Variants in RANBP2 observed in about 807,000 individuals in gnomAD.
RANBP2 encodes E3 SUMO-protein ligase RanBP2.
Under a neutral mutation model 303.6 loss-of-function variants are expected in RANBP2, and 57 were observed. The ratio of observed to expected loss-of-function variants is 0.19; its 90% CI spans 0.15 to 0.23. RANBP2 has a LOEUF of 0.23. Ranked by LOEUF, RANBP2 falls within the 10% of genes least tolerant of loss-of-function variation. The pLI, the probability that RANBP2 is intolerant of heterozygous loss-of-function variation, is 1.00. For synonymous variants in RANBP2, 1,167 were observed against 1,301.5 expected (o/e 0.90, Z 2.23); for missense variants, 3,138 against 3,780.8 (o/e 0.83, Z 4.46).
chr2:109,330,872 A>G, the RANBP2 span, among the ~76,000 whole-genome samples: 25 of 152,194 alleles, frequency 1.6e-4, no homozygotes, highest in Non-Finnish European at 2.8e-4. Context: ...TAAGGGACCA[A>G]TTCCTCTGGT....
chr2:109,109,585 T>A, the RANBP2 span, among the ~76,000 whole-genome samples: 3 of 152,244 alleles, frequency 2.0e-5, no homozygotes, highest in African/African-American at 7.2e-5. Flanking sequence ...TTAAATTGCT[T>A]CCTTCAAATG....
At chr2:109,637,940 A>G in the RANBP2 span, among the ~76,000 whole-genome samples, 1 of 152,180 alleles carries the variant, frequency 6.6e-6, no homozygotes, top group African/African-American at 2.4e-5. Flanking sequence ...TCTGGGTGAC[A>G]GAACAAGACT....
chr2:108,753,712 G>T lies in RANBP2; in HGVS notation c.2056-113G>T. 2.5e-6 allele frequency: 4 copies of T among 1,584,478 alleles called. No individual in the cohort carries two copies. In the South Asian group the frequency reaches 3.4e-5, roughly 14 times the overall value. On this transcript the variant is annotated intron_variant, in intron 14 of 28. Transcript: ENST00000283195. ...TGCTTCCCAGGCTCAAGCGATTCTT[G>T]TGCCTCAGCTCCCGAGTAGCTGGGA...
chr2:108,917,967 C>G, the RANBP2 span, among the ~76,000 whole-genome samples: 1 of 152,048 alleles, frequency 6.6e-6, no homozygotes, highest in Non-Finnish European at 1.5e-5. Context: ...TCTGCATTAC[C>G]CCTAAATGCT....
the RANBP2 span, among the ~76,000 whole-genome samples, chr2:109,642,374 T>A: frequency 6.6e-6 from 1 of 152,244 alleles, no homozygotes; most frequent in South Asian, 2.1e-4. Context: ...TAGTGCTATG[T>A]GTGCTAAAAA....
the RANBP2 span, chr2:109,615,917 A>G: frequency 6.2e-7 from 1 of 1,609,298 alleles, no homozygotes; most frequent in South Asian, 1.1e-5. Flanking sequence ...ACAAAATCCG[A>G]TTCAGAACCC....
At chr2:108,977,680 G>T in the RANBP2 span, among the ~76,000 whole-genome samples, 5,519 of 152,182 alleles carry the variant, frequency 0.036, 338 homozygotes, top group African/African-American at 0.12. Context: ...CTCACTAGGA[G>T]TCACTGTTGT....
chr2:109,341,117 G>T, the RANBP2 span, among the ~76,000 whole-genome samples: 3 of 152,156 alleles, frequency 2.0e-5, no homozygotes, highest in Admixed American at 2.0e-4. Context: ...GGATGAATGA[G>T]TGTGCAAATA....
chr2:108,798,266 G>A, the RANBP2 span: 46 of 195,616 alleles, frequency 2.4e-4, no homozygotes, highest in East Asian at 6.5e-3. Context: ...TTCTGTGCAA[G>A]TTTACTTGCT....
chr2:108,884,827 G>C, the RANBP2 span: 1 of 152,140 alleles, frequency 6.6e-6, no homozygotes, highest in African/African-American at 2.4e-5. Flanking sequence ...GTCACTCCTG[G>C]GTGCAGGCTC....
At chr2:108,978,767 G>A in the RANBP2 span, among the ~76,000 whole-genome samples, 3 of 152,156 alleles carry the variant, frequency 2.0e-5, no homozygotes, top group East Asian at 3.8e-4. Context: ...ACAGTCTATC[G>A]GTAAGCTGGA....
At chr2:108,802,320 A>G in the RANBP2 span, among the ~76,000 whole-genome samples, 1 of 108,952 alleles carries the variant, frequency 9.2e-6, no homozygotes. Flanking sequence ...AGTGGTTTGT[A>G]GTTCTCCTTG....
chr2:108,840,073 G>A, the RANBP2 span, among the ~76,000 whole-genome samples: 2 of 151,918 alleles, frequency 1.3e-5, no homozygotes, highest in Non-Finnish European at 2.9e-5. Flanking sequence ...CATGAATCGT[G>A]TTGAATTTTT....
chr2:109,436,257 T>C, the RANBP2 span, among the ~76,000 whole-genome samples: 1 of 152,198 alleles, frequency 6.6e-6, no homozygotes, highest in East Asian at 1.9e-4. Context: ...CATCGCTGCC[T>C]CCAGGACATG....
At chr2:109,099,521 G>C in the RANBP2 span, among the ~76,000 whole-genome samples, 1 of 152,154 alleles carries the variant, frequency 6.6e-6, no homozygotes, top group Non-Finnish European at 1.5e-5. Context: ...ACAGCAAGGC[G>C]TGCTGACCTC....
At chr2:109,075,318 G>C in the RANBP2 span, among the ~76,000 whole-genome samples, 1 of 150,010 alleles carries the variant, frequency 6.7e-6, no homozygotes, top group East Asian at 1.9e-4. Flanking sequence ...ACTGCCTACC[G>C]GGTTCAAGCA....
chr2:109,243,743 C>G, the RANBP2 span, among the ~76,000 whole-genome samples: 2 of 152,180 alleles, frequency 1.3e-5, no homozygotes, highest in African/African-American at 4.8e-5. Context: ...TTTCAGAGAA[C>G]CTCGGGGTGG....
the RANBP2 span, among the ~76,000 whole-genome samples, chr2:109,041,682 C>A: frequency 1.4e-5 from 2 of 142,762 alleles, no homozygotes; most frequent in African/African-American, 2.7e-5. Context: ...CCACCATGCC[C>A]GGCTTTTTTT....
the RANBP2 span, among the ~76,000 whole-genome samples, chr2:109,155,076 C>T: frequency 3.9e-5 from 6 of 152,124 alleles, no homozygotes; most frequent in South Asian, 2.1e-4. Context: ...CTCTGGCCTC[C>T]CTCCGGGCCA....
Sources: allele counts gnomAD v4.1 joint callset (sites outside exome capture counted in the v4.1 genomes callset), GRCh38; gene constraint gnomAD v4.1.1; transcripts MANE v1.5; gene names NCBI Gene and HGNC (gene_info 2026-07-23, HGNC 2026-07-21).